The following LRRC4C variants were observed in gnomAD, a reference collection of about 807,000 sequenced individuals.
LRRC4C encodes leucine rich repeat containing 4C, also known as leucine-rich repeat-containing protein 4C.
Under a neutral mutation model 33.6 loss-of-function variants are expected in LRRC4C, and 5 were observed. The ratio of observed to expected loss-of-function variants is 0.15; its 90% CI spans 0.08 to 0.31. The LOEUF is 0.31. Among genes scored for constraint, LRRC4C ranks in the 10% least tolerant of loss-of-function variants. LRRC4C has a pLI of 1.00. For synonymous variants in LRRC4C, 329 were observed against 302.0 expected (o/e 1.09, Z -0.93); for missense variants, 560 against 796.7 (o/e 0.70, Z 3.58).
At chr11:40,235,046 C>T (rs1450647238) in intron 5 of LRRC4C, among the ~76,000 whole-genome samples, 7 of 152,182 alleles carry the variant, frequency 4.6e-5, no homozygotes, top group Admixed American at 3.9e-4. Context: ...ACCCTGATTG[C>T]AGCACTTTTG....
intron 1 of LRRC4C, among the ~76,000 whole-genome samples, chr11:41,447,137 T>C (rs1955851152): frequency 6.6e-6 from 1 of 152,176 alleles, no homozygotes; most frequent in African/African-American, 2.4e-5. Context: ...ATAAGCTCCT[T>C]TAAAACAGGA....
At chr11:40,415,485 T>C (rs7927106) in intron 3 of LRRC4C, among the ~76,000 whole-genome samples, 51,439 of 152,066 alleles carry the variant, frequency 0.34, 9,875 homozygotes, top group South Asian at 0.46. Flanking sequence ...ACCTGCAATA[T>C]GTGAGAGTTC....
chr11:40,930,857 A>T (rs749203847), intron 2 of LRRC4C, among the ~76,000 whole-genome samples: 2 of 152,192 alleles, frequency 1.3e-5, no homozygotes, highest in Non-Finnish European at 2.9e-5. Context: ...TTCATAAATT[A>T]TTTATGTTTA....
intron 1 of LRRC4C, among the ~76,000 whole-genome samples, chr11:41,027,228 A>G (rs1177169120): frequency 2.0e-5 from 3 of 151,716 alleles, no homozygotes; most frequent in South Asian, 2.1e-4. Context: ...AAAATCCCCT[A>G]CTCTCAAAAA....
chr11:41,444,834 G>A (rs149227432), intron 1 of LRRC4C, among the ~76,000 whole-genome samples: 1,970 of 147,938 alleles, frequency 0.013, 56 homozygotes, highest in African/African-American at 0.047. Flanking sequence ...ATGGAATTTC[G>A]CTCTTGTTGC....
chr11:40,178,283 T>C (rs1444660000), intron 5 of LRRC4C, among the ~76,000 whole-genome samples: 1 of 152,200 alleles, frequency 6.6e-6, no homozygotes, highest in Non-Finnish European at 1.5e-5. Context: ...CAATTCTGCC[T>C]ACCTAAACTG....
At chr11:41,288,952 T>A (rs571559889) in intron 1 of LRRC4C, among the ~76,000 whole-genome samples, 1 of 152,098 alleles carries the variant, frequency 6.6e-6, no homozygotes, top group East Asian at 1.9e-4. Flanking sequence ...ACTTGATAGG[T>A]TAATCTTACC....
At chr11:40,958,184 T>C (rs1959046064) in intron 1 of LRRC4C, among the ~76,000 whole-genome samples, 1 of 151,684 alleles carries the variant, frequency 6.6e-6, no homozygotes, top group Non-Finnish European at 1.5e-5. Context: ...GAAATAACTA[T>C]CTGTTGCTTA....
At chr11:41,044,466 A>G (rs538620552) in intron 1 of LRRC4C, among the ~76,000 whole-genome samples, 1 of 152,222 alleles carries the variant, frequency 6.6e-6, no homozygotes, top group East Asian at 1.9e-4. Context: ...ATAATTAACA[A>G]TTGTTTTTGG....
chr11:40,662,910 A>G (rs1943521334), intron 2 of LRRC4C, among the ~76,000 whole-genome samples: 1 of 152,172 alleles, frequency 6.6e-6, no homozygotes, highest in Admixed American at 6.5e-5. Context: ...TAAATATTGG[A>G]TATTTGAAAT....
intron 1 of LRRC4C, among the ~76,000 whole-genome samples, chr11:41,449,820 G>T (rs12799802): frequency 0.11 from 16,378 of 150,536 alleles, 1,133 homozygotes; most frequent in Non-Finnish European, 0.15. Context: ...GTGGTCAGAA[G>T]TAGAGCTGAC....
intron 1 of LRRC4C, among the ~76,000 whole-genome samples, chr11:41,420,398 AAAG>A (rs1235585185): frequency 3.9e-5 from 6 of 152,014 alleles, no homozygotes; most frequent in African/African-American, 7.2e-5. Context: ...TAAGGCTTTT[AAAG>A]AAGAAGGTCT....
chr11:41,041,448 A>T (rs1857428457), intron 1 of LRRC4C, among the ~76,000 whole-genome samples: 1 of 152,204 alleles, frequency 6.6e-6, no homozygotes, highest in South Asian at 2.1e-4. Context: ...TGATTGCCAT[A>T]CAGTACTGTT....
intron 1 of LRRC4C, among the ~76,000 whole-genome samples, chr11:40,952,849 AACACACACACACACACACAC>A (rs56684958): frequency 8.9e-6 from 1 of 112,712 alleles, no homozygotes; most frequent in Admixed American, 9.7e-5. Flanking sequence ...TCTATTTCCA[AACACACACACACACACACAC>A]ACACACACAC....
intron 3 of LRRC4C, among the ~76,000 whole-genome samples, chr11:40,393,546 T>A (rs535964896): frequency 2.6e-5 from 4 of 152,086 alleles, no homozygotes; most frequent in Non-Finnish European, 5.9e-5. Flanking sequence ...ACCTATGCAA[T>A]AATTCTTTGG....
At chr11:40,849,212 G>C (rs1224059755) in intron 2 of LRRC4C, among the ~76,000 whole-genome samples, 4 of 152,162 alleles carry the variant, frequency 2.6e-5, no homozygotes, top group African/African-American at 9.7e-5. Context: ...TTGCCCGTTA[G>C]TTGATGCAAT....
At chr11:41,104,960 G>A (rs530362333) in intron 1 of LRRC4C, among the ~76,000 whole-genome samples, 14 of 151,792 alleles carry the variant, frequency 9.2e-5, no homozygotes, top group African/African-American at 3.4e-4. Flanking sequence ...ACTGCAAATG[G>A]GTAAAAGGTT....
chr11:40,122,566 T>G (rs1312792070), intron 6 of LRRC4C, among the ~76,000 whole-genome samples: 1 of 152,134 alleles, frequency 6.6e-6, no homozygotes, highest in African/African-American at 2.4e-5. Flanking sequence ...TCTGACCTAA[T>G]CTTCACAGCT....
At chr11:41,161,466 C>A (rs568228381) in intron 1 of LRRC4C, among the ~76,000 whole-genome samples, 1 of 152,216 alleles carries the variant, frequency 6.6e-6, no homozygotes, top group Admixed American at 6.5e-5. Context: ...TTACCAGGAC[C>A]TTTGTCTGGT....
Sources: gnomAD v4.1 joint callset for allele counts (sites outside exome capture counted in the v4.1 genomes callset) on GRCh38, gnomAD v4.1.1 for gene constraint, MANE v1.5 for transcripts, NCBI Gene and HGNC (gene_info 2026-07-23, HGNC 2026-07-21) for gene names.